The following MCPH1 variants were observed in gnomAD, a reference collection of about 807,000 sequenced individuals.
The protein encoded by MCPH1 is microcephalin.
A neutral mutation model predicts 84.5 loss-of-function variants in MCPH1; 104 were observed. The ratio of observed to expected loss-of-function variants is 1.23; its 90% confidence interval spans 1.05 to 1.45. The LOEUF (loss-of-function observed/expected upper bound fraction) is 1.45, where lower values mean the gene tolerates loss of function less well. Ranked by LOEUF, MCPH1 falls within the 40% of genes most tolerant of loss-of-function variation. MCPH1 has a pLI of 0.00. For synonymous variants in MCPH1, 514 were observed against 366.8 expected, an observed-to-expected ratio of 1.40 and a Z score of -4.58; for missense variants, 1,498 against 1,005.7, an observed-to-expected ratio of 1.49 and a Z score of -6.62.
intron 12 of MCPH1, among the ~76,000 whole-genome samples, chr8:6,518,127 G>T (rs1816636025): frequency 6.6e-6 from 1 of 152,184 alleles, no homozygotes; most frequent in African/African-American, 2.4e-5. Flanking sequence ...CTTGCACTTA[G>T]ACTGAGAAAC....
intron 12 of MCPH1, among the ~76,000 whole-genome samples, chr8:6,525,565 G>C (rs1818182316): frequency 6.6e-6 from 1 of 152,126 alleles, no homozygotes; most frequent in East Asian, 1.9e-4. Flanking sequence ...TTGCACTTTT[G>C]GGGAATTATA....
intron 12 of MCPH1, among the ~76,000 whole-genome samples, chr8:6,525,515 C>T (rs1035430997): frequency 1.3e-5 from 2 of 152,326 alleles, no homozygotes; most frequent in African/African-American, 2.4e-5. Context: ...TAGGCATGAG[C>T]CACTGTGCCT....
chr8:6,588,853 G>A (rs1463500391), intron 12 of MCPH1, among the ~76,000 whole-genome samples: 3 of 152,254 alleles, frequency 2.0e-5, no homozygotes, highest in Non-Finnish European at 4.4e-5. Flanking sequence ...ACGACAGGCA[G>A]GCTGGAGGCC....
chr8:6,486,208 A>C (rs1273448524), intron 11 of MCPH1, among the ~76,000 whole-genome samples: 2 of 152,030 alleles, frequency 1.3e-5, no homozygotes, highest in African/African-American at 4.8e-5. Flanking sequence ...TTTTAGGGTC[A>C]AGATTTAAAG....
chr8:6,435,514 ATG>A (rs929316054), intron 4 of MCPH1, among the ~76,000 whole-genome samples: 6 of 152,126 alleles, frequency 3.9e-5, no homozygotes, highest in African/African-American at 1.4e-4. Flanking sequence ...TCACAAGGTG[ATG>A]CCAGGGCTCA....
intron 11 of MCPH1, among the ~76,000 whole-genome samples, chr8:6,494,929 A>G (rs920933324): frequency 2.0e-5 from 3 of 152,220 alleles, no homozygotes; most frequent in Non-Finnish European, 2.9e-5. Context: ...AAAGTCATAT[A>G]TGGAAAATAG....
intron 12 of MCPH1, among the ~76,000 whole-genome samples, chr8:6,558,536 G>C (rs978502813): frequency 6.6e-6 from 1 of 152,078 alleles, no homozygotes; most frequent in African/African-American, 2.4e-5. Context: ...TTTCATCTAC[G>C]GTAACTGGCT....
intron 11 of MCPH1, among the ~76,000 whole-genome samples, chr8:6,484,070 A>G (rs147894850): frequency 2.0e-5 from 3 of 152,236 alleles, no homozygotes; most frequent in Non-Finnish European, 2.9e-5. Flanking sequence ...GAAAACATAG[A>G]TAAGTTAGAT....
At chr8:6,626,313 G>A (rs868636774) in intron 13 of MCPH1, 30 of 985,104 alleles carry the variant, frequency 3.0e-5, no homozygotes, top group South Asian at 4.7e-5. Context: ...CATCTGCGCC[G>A]CGTTGCCTAA....
At chr8:6,572,887 G>A (rs565066418) in intron 12 of MCPH1, among the ~76,000 whole-genome samples, 23 of 152,224 alleles carry the variant, frequency 1.5e-4, no homozygotes, top group Non-Finnish European at 3.2e-4. Context: ...TAAGGGCTAC[G>A]TGAACAGCAA....
intron 12 of MCPH1, among the ~76,000 whole-genome samples, chr8:6,545,122 A>C (rs1403131534): frequency 6.6e-6 from 1 of 152,084 alleles, no homozygotes; most frequent in Non-Finnish European, 1.5e-5. Flanking sequence ...ATGAAGCTCA[A>C]GAATGGACCG....
rs1436054933 is a variant in MCPH1 at position 6,646,750 on chromosome 8, A to G, written c.*3701A>G. On this transcript the variant is annotated 3_prime_UTR_variant, in exon 14 of 14. Coordinates refer to ENST00000344683, the MANE Select transcript of MCPH1 (RefSeq NM_024596.5). ...GCCAGTGGCATCCCTCCCCTGACACACACCTAGTTTTGACAATCTCTGTCT... is the reference window on the plus strand; with the variant it reads ...GCCAGTGGCATCCCTCCCCTGACACGCACCTAGTTTTGACAATCTCTGTCT... The G allele has an allele frequency of 6.6e-6, 1 of 152,200 alleles. No individual in the cohort carries two copies. Among genetic ancestry groups the G allele is most frequent in the East Asian group, 1.9e-4 (1 of 5,202 alleles). The allele number at this position is 152,200 out of a possible 1,614,324, so 9.4% of individuals were successfully genotyped here.
At chr8:6,568,431 C>T (rs1423656241) in intron 12 of MCPH1, among the ~76,000 whole-genome samples, 2 of 152,132 alleles carry the variant, frequency 1.3e-5, no homozygotes, top group African/African-American at 4.8e-5. Context: ...AGTGGAGCAG[C>T]CCCCCAGCTA....
chr8:6,496,109 T>A (rs1349599867), intron 11 of MCPH1, among the ~76,000 whole-genome samples: 1 of 152,212 alleles, frequency 6.6e-6, no homozygotes, highest in Non-Finnish European at 1.5e-5. Context: ...GAAGTAATTA[T>A]ACAACTCACT....
intron 6 of MCPH1, 117 bp from the exon 7 acceptor site, chr8:6,441,950 T>G: frequency 1.4e-6 from 1 of 732,466 alleles, no homozygotes; most frequent in South Asian, 1.5e-5. Context: ...CCTTCTAACT[T>G]TGTGATTATA....
intron 13 of MCPH1, chr8:6,627,073 A>C (rs1796780971): frequency 1.0e-6 from 1 of 985,072 alleles, no homozygotes; most frequent in African/African-American, 1.8e-5. Flanking sequence ...CGATGTTTTC[A>C]GGAAAAAGAT....
At chr8:6,529,631 T>C (rs1819070396) in intron 12 of MCPH1, among the ~76,000 whole-genome samples, 2 of 149,046 alleles carry the variant, frequency 1.3e-5, no homozygotes, top group African/African-American at 4.9e-5. Context: ...TAATTTTTTT[T>C]TTTTTTTTTT....
rs748456152 is a variant in MCPH1, at chr8:6,562,596, C to G, written c.2215-58858C>G. The stretch of plus-strand genomic sequence containing the variant: ...TGGTTGTTAAAACCTGAGCTGCTGC[C>G]AAGCTGATCTTAATAGCATGTTCAC... On this transcript the variant is annotated intron_variant, in intron 12 of 13. Coordinates refer to ENST00000344683, the MANE Select transcript of MCPH1 (RefSeq NM_024596.5). 1.7e-5 allele frequency: 7 copies of G among 412,866 alleles called. 1 individual carries two copies. Among genetic ancestry groups the G allele is most frequent in the Middle Eastern group, 4.5e-4 (1 of 2,210 alleles). 25.6% of individuals were successfully genotyped at this position (412,866 alleles called of 1,614,324 possible).
chr8:6,642,033 T>C (rs1156874723), intron 13 of MCPH1, among the ~76,000 whole-genome samples: 1 of 152,190 alleles, frequency 6.6e-6, no homozygotes, highest in Non-Finnish European at 1.5e-5. Context: ...AAGTCATTTT[T>C]TTCTTCCATT....
Sources: allele counts gnomAD v4.1 joint callset (sites outside exome capture counted in the v4.1 genomes callset), GRCh38; gene constraint gnomAD v4.1.1; transcripts MANE v1.5; gene names NCBI Gene and HGNC (gene_info 2026-07-23, HGNC 2026-07-21).